The following CAPZA1 variants were observed in gnomAD, a reference collection of about 807,000 sequenced individuals.
CAPZA1 encodes F-actin-capping protein subunit alpha-1.
CAPZA1 carries 10 observed loss-of-function variants against 40.8 expected under a neutral mutation model. That is an observed-to-expected ratio of 0.25 (90% CI 0.15 to 0.42). CAPZA1 has a LOEUF of 0.42. Ranked by LOEUF, CAPZA1 falls within the 10% of genes least tolerant of loss-of-function variation. CAPZA1 has a pLI of 1.00. For missense variants in CAPZA1, 277 were observed against 353.8 expected (o/e 0.78, Z 1.74); for synonymous variants, 98 against 115.0 (o/e 0.85, Z 0.95).
rs189886786 is a variant in CAPZA1 at position 112,629,808 on chromosome 1, A to G, written c.39+9925A>G. 1.4e-4 allele frequency among the ~76,000 whole-genome samples: 22 copies of G among 152,304 alleles called. No individual in the cohort carries two copies. The East Asian group carries it at 2.7e-3, about 19-fold the overall frequency. On this transcript the variant is annotated intron_variant, in intron 1 of 9. Transcript: ENST00000263168. ...TCCAAATCCTCTGTTCTACCAAACA[A>G]GAGAGTGTTTTCCCACTACCTTTTT...
intron 3 of CAPZA1, among the ~76,000 whole-genome samples, chr1:112,651,352 GT>G (rs1671382193): frequency 6.6e-6 from 1 of 152,242 alleles, no homozygotes; most frequent in Admixed American, 6.5e-5. Context: ...TAGCTCCTGT[GT>G]AGAGGGGCAA....
intron 1 of CAPZA1, among the ~76,000 whole-genome samples, chr1:112,644,184 C>CTTTTTTTTTTTTTTT (rs60802838): frequency 3.5e-5 from 2 of 56,782 alleles, no homozygotes; most frequent in African/African-American, 7.9e-5. Context: ...CTTCTCCCAG[C>CTTTTTTTTTTTTTTT]TTTTTTTTTT....
chr1:112,625,086 C>A (rs1322188329), intron 1 of CAPZA1, among the ~76,000 whole-genome samples: 4 of 152,080 alleles, frequency 2.6e-5, no homozygotes, highest in African/African-American at 4.8e-5. Flanking sequence ...TGTAAAACAC[C>A]CCTTCCCCTA....
intron 6 of CAPZA1, 101 bp downstream of exon 6, chr1:112,659,202 A>G (rs1671555480): frequency 1.2e-5 from 9 of 764,226 alleles, no homozygotes; most frequent in Non-Finnish European, 2.1e-5. Flanking sequence ...TAACTTACAG[A>G]CTTCAGTTTT....
intron 7 of CAPZA1, among the ~76,000 whole-genome samples, chr1:112,660,336 A>G (rs983786356): frequency 2.0e-5 from 3 of 152,162 alleles, no homozygotes; most frequent in African/African-American, 7.2e-5. Context: ...CTGGAGGTGC[A>G]ATGGCATGAT....
At chr1:112,623,759 G>GGGT (rs1670734376) in intron 1 of CAPZA1, among the ~76,000 whole-genome samples, 1 of 151,128 alleles carries the variant, frequency 6.6e-6, no homozygotes, top group Admixed American at 6.6e-5. Context: ...AGGCCGAGGC[G>GGGT]GGTGGATCAC....
At chr1:112,665,182 T>TG (rs1425743473) in intron 7 of CAPZA1, among the ~76,000 whole-genome samples, 1 of 148,272 alleles carries the variant, frequency 6.7e-6, no homozygotes, top group Non-Finnish European at 1.5e-5. Context: ...TTTTGTGTTT[T>TG]TTTTTTTTTT....
chr1:112,646,562 C>G (rs1353275460), intron 1 of CAPZA1, among the ~76,000 whole-genome samples: 1 of 152,088 alleles, frequency 6.6e-6, no homozygotes, highest in Non-Finnish European at 1.5e-5. Context: ...GGACAACAGC[C>G]AAGACCCTAT....
chr1:112,619,949 G>T (rs1670554140), intron 1 of CAPZA1, 66 bp downstream of exon 1: 3 of 1,348,432 alleles, frequency 2.2e-6, no homozygotes, highest in East Asian at 4.9e-5. Context: ...GCCCGGCTGC[G>T]TTGGGAGCCT....
intron 1 of CAPZA1, chr1:112,626,053 GCATGTCCACCT>G (rs1670799597): frequency 6.6e-6 from 1 of 152,458 alleles, no homozygotes; most frequent in South Asian, 2.1e-4. Flanking sequence ...TCATTATGCT[GCATGTCCACCT>G]CATGTCCACA....
chr1:112,653,199 G>A (rs1037502254), intron 3 of CAPZA1, among the ~76,000 whole-genome samples: 1 of 152,202 alleles, frequency 6.6e-6, no homozygotes, highest in Non-Finnish European at 1.5e-5. Flanking sequence ...GAGTGTGGTG[G>A]TGTGCACCTG....
intron 1 of CAPZA1, among the ~76,000 whole-genome samples, chr1:112,635,172 C>A (rs948184337): frequency 3.3e-5 from 5 of 152,090 alleles, no homozygotes. Context: ...ACACTTTGAA[C>A]ACTTTTTACG....
In CAPZA1 at chr1:112,649,398, G is replaced by A. The variant is rs1482950902; in HGVS notation, c.104-20G>A. 3 of 1,600,238 alleles carry A rather than the reference G, an allele frequency of 1.9e-6. No individual in the cohort carries two copies. Among genetic ancestry groups the A allele is most frequent in the Non-Finnish European group, 1.7e-6 (2 of 1,168,460 alleles). On this transcript the variant is annotated intron_variant, in intron 2 of 9. Coordinates refer to ENST00000263168, the MANE Select transcript of CAPZA1 (RefSeq NM_006135.3). ...TCAAATTTATCCTCCACTGAACATT[G>A]TAACATTTTTCCTCCTCAGACGTTC...
At position 112,647,293 on chromosome 1, in the gene CAPZA1, T is replaced by G. The variant is rs746177673; in HGVS notation, c.103+20T>G. 1 of 1,317,726 alleles carries G rather than the reference T, an allele frequency of 7.6e-7. No individual in the cohort carries two copies. 81.6% of individuals were successfully genotyped at this position (1,317,726 alleles called of 1,614,324 possible). On this transcript the variant is annotated intron_variant, in intron 2 of 9. Coordinates refer to ENST00000263168, the MANE Select transcript of CAPZA1 (RefSeq NM_006135.3). The stretch of plus-strand genomic sequence containing the variant: ...TCAATGGTGAGTAAAGATTAGTATT[T>G]TAATCCCTCCTTAATTACCATTATT...
rs554638094 is a variant in CAPZA1 at position 112,632,380 on chromosome 1, G to A, written c.39+12497G>A. Among the ~76,000 whole-genome samples, 21 of 152,290 alleles carry A rather than the reference G, an allele frequency of 1.4e-4. No individual in the cohort carries two copies. The East Asian group carries it at 2.9e-3, about 21-fold the overall frequency. On this transcript the variant is annotated intron_variant, in intron 1 of 9. Coordinates refer to ENST00000263168, the MANE Select transcript of CAPZA1 (RefSeq NM_006135.3). Reference sequence around the variant, plus strand: ...ACAGTAAAGACAGCTGGGTATTTACGTATAGCCAATAAGCAGAGTTGGGGA... The same window carrying A: ...ACAGTAAAGACAGCTGGGTATTTACATATAGCCAATAAGCAGAGTTGGGGA...
chr1:112,642,504 C>T lies in CAPZA1; in HGVS notation c.40-4706C>T, dbSNP rs115123792. Among the ~76,000 whole-genome samples the T allele has an allele frequency of 8.3e-3, 1,256 of 152,146 alleles. 19 individuals carry two copies. Among genetic ancestry groups the T allele is most frequent in the African/African-American group, 0.029 (1,193 of 41,546 alleles). ...TGCTGGGATTATAGGCGTGAGCCAC[C>T]GCGCCTGGCCGACCACCCTCTTTTT... On this transcript the variant is annotated intron_variant, in intron 1 of 9. Coordinates refer to ENST00000263168, the MANE Select transcript of CAPZA1 (RefSeq NM_006135.3).
Position 112,670,129 on chromosome 1 carries a change from T to A in CAPZA1, c.858T>A (p.Ala286=). 1 of 1,613,936 alleles carries A rather than the reference T, an allele frequency of 6.2e-7. No individual in the cohort carries two copies. Among genetic ancestry groups the A allele is most frequent in the South Asian group, 1.1e-5 (1 of 91,076 alleles). ...SYKIGKEMQN[A] is the part of the protein sequence containing the mutation. Reference sequence around the variant, plus strand: ...AGATTGGCAAAGAAATGCAGAATGCTTAAAGGCTGAATGTAGGATTCTTCA... The same window carrying A: ...AGATTGGCAAAGAAATGCAGAATGCATAAAGGCTGAATGTAGGATTCTTCA... The change falls in exon 10 of 10, where the codon GCT becomes GCA. Residue 286 remains alanine, a synonymous_variant. Coordinates refer to ENST00000263168, the MANE Select transcript of CAPZA1 (RefSeq NM_006135.3).
intron 1 of CAPZA1, among the ~76,000 whole-genome samples, chr1:112,630,246 A>G (rs2101141076): frequency 6.6e-6 from 1 of 152,248 alleles, no homozygotes; most frequent in South Asian, 2.1e-4. Context: ...TATATTGCCC[A>G]GACTGGTCTC....
At position 112,647,239 on chromosome 1, in the gene CAPZA1, T is replaced by G. The variant is rs1203793665; in HGVS notation, c.69T>G (p.His23Gln). Residue 23 changes from histidine (H) to glutamine (Q), a missense_variant, in exon 2 of 10, where the codon CAT becomes CAG. By Grantham distance (24) the His-to-Gln change is conservative. This residue lies in a region of CAPZA1 where 85 missense variants were observed against 76.5 expected (regional missense o/e 1.11). Coordinates refer to ENST00000263168, the MANE Select transcript of CAPZA1 (RefSeq NM_006135.3). ...KVRIAAKFIT[H>Q]APPGEFNEVF... ...GCATAGCTGCTAAATTCATCACTCA[T>G]GCACCCCCAGGGGAATTTAATGAAG... 6.5e-7 allele frequency: 1 copy of G among 1,531,540 alleles called. No individual in the cohort carries two copies. The highest frequency in any genetic ancestry group is 2.4e-5 in the East Asian group (1 of 42,534). The allele number at this position is 1,531,540 out of a possible 1,614,324, so 94.9% of individuals were successfully genotyped here.
Sources: allele counts gnomAD v4.1 joint callset (sites outside exome capture counted in the v4.1 genomes callset), GRCh38; gene constraint gnomAD v4.1.1; regional missense constraint gnomAD v4.1.1; transcripts MANE v1.5; gene names NCBI Gene and HGNC (gene_info 2026-07-23, HGNC 2026-07-21).